Variants in PCDHAC2 observed in about 807,000 individuals in gnomAD.
PCDHAC2 encodes protocadherin alpha subfamily C, 2.
PCDHAC2 carries 24 observed loss-of-function variants against 63.3 expected under a neutral mutation model. That is an observed-to-expected ratio of 0.38 (90% confidence interval 0.27 to 0.53). The LOEUF is 0.53. PCDHAC2 is among the 20% of genes least tolerant of loss of function. The pLI, the probability that PCDHAC2 is intolerant of heterozygous loss-of-function variation, is 0.81. For synonymous variants in PCDHAC2, 569 were observed against 529.4 expected, an observed-to-expected ratio of 1.07 and a Z score of -1.03; for missense variants, 1,181 against 1,275.2, an observed-to-expected ratio of 0.93 and a Z score of 1.12.
chr5:140,985,226 C>T (rs1319001576), intron 3 of PCDHAC2, among the ~76,000 whole-genome samples: 6 of 152,126 alleles, frequency 3.9e-5, no homozygotes, highest in Admixed American at 6.5e-5. Flanking sequence ...CGTGAGCCAC[C>T]GCGCCTGGCC....
chr5:140,983,146 G>T (rs894953025), intron 3 of PCDHAC2, among the ~76,000 whole-genome samples: 3 of 152,140 alleles, frequency 2.0e-5, no homozygotes, highest in Non-Finnish European at 4.4e-5. Flanking sequence ...TAGTGCCTTG[G>T]CATGCATGTT....
chr5:140,966,833 C>G lies in PCDHAC2; in HGVS notation c.67C>G (p.Leu23Val). The change falls in exon 1 of 4, where the codon CTG becomes GTG. Residue 23 changes from leucine to valine, a missense_variant. Leu to Val is a conservative substitution (Grantham distance 32). Around this residue, in one of 3 missense-constraint regions of PCDHAC2, gnomAD observed 210 missense variants for 184.9 expected, o/e 1.14. Coordinates refer to ENST00000289269, the MANE Select transcript of PCDHAC2 (RefSeq NM_018899.6). Reference protein sequence around the residue: ...HPRLRRPMPWLLLLPLLLLLL... With the variant: ...HPRLRRPMPWVLLLPLLLLLL... ...ACGGCTCCGGCGGCCCATGCCCTGG[C>G]TGCTGCTACTGCCTCTCCTGCTGCT... is the stretch of plus-strand genomic sequence containing the variant. 2.6e-6 allele frequency: 4 copies of G among 1,563,480 alleles called. No individual in the cohort carries two copies. Among genetic ancestry groups the G allele is most frequent in the Non-Finnish European group, 3.5e-6 (4 of 1,158,574 alleles).
In PCDHAC2 at chr5:140,968,016, A is replaced by G; in HGVS notation, c.1250A>G (p.Asn417Ser). The G allele has an allele frequency of 6.2e-7, 1 of 1,613,240 alleles. No individual in the cohort carries two copies. The highest frequency in any genetic ancestry group is 8.5e-7 in the Non-Finnish European group (1 of 1,179,814). ...CCTTTCCGACTGAATGGCTTTGGAA[A>G]CTCCTATACACTGGTGGTGAGCGGC... is the stretch of plus-strand genomic sequence containing the variant. ...TLPFRLNGFG[N>S]SYTLVVSGPL... is the part of the protein sequence containing the mutation. The change falls in exon 1 of 4, where the codon AAC (asparagine) becomes AGC (serine). Residue 417 changes from asparagine (N) to serine (S), a missense_variant. Transcript: ENST00000289269.
intron 3 of PCDHAC2, among the ~76,000 whole-genome samples, chr5:140,990,800 A>C (rs1474894854): frequency 3.9e-5 from 6 of 152,216 alleles, no homozygotes; most frequent in Non-Finnish European, 2.9e-5. Context: ...CATGGAATAC[A>C]GAAGAAGCTC....
intron 3 of PCDHAC2, among the ~76,000 whole-genome samples, chr5:141,003,811 C>G (rs1490096042): frequency 1.3e-5 from 2 of 152,114 alleles, no homozygotes; most frequent in African/African-American, 4.8e-5. Context: ...AATCTGTAGT[C>G]TGGGAAGGGC....
rs1554262827 is a variant in PCDHAC2 at position 141,010,253 on chromosome 5, C to A, written c.*316C>A. The A allele has an allele frequency of 3.2e-6, 5 of 1,551,834 alleles. No homozygotes were observed. The highest frequency in any genetic ancestry group is 1.7e-4 in the Middle Eastern group (1 of 5,990). On this transcript the variant is annotated 3_prime_UTR_variant, in exon 4 of 4. Transcript: ENST00000289269. ...CGCCAGTGAGAGGTTGGACTCTCTG[C>A]CCTGTGCTCCGGGGATCCTGTCTTG...
chr5:140,999,125 G>A (rs1554256627), intron 3 of PCDHAC2, among the ~76,000 whole-genome samples: 1 of 152,152 alleles, frequency 6.6e-6, no homozygotes, highest in Non-Finnish European at 1.5e-5. Context: ...TTCTAAGCTG[G>A]AAAATGTCAC....
chr5:141,004,604 C>A (rs1282201587), intron 3 of PCDHAC2, among the ~76,000 whole-genome samples: 1 of 152,176 alleles, frequency 6.6e-6, no homozygotes, highest in African/African-American at 2.4e-5. Context: ...GTGCTTAGGC[C>A]TCATGCAGAG....
intron 3 of PCDHAC2, among the ~76,000 whole-genome samples, chr5:140,994,546 A>T (rs1168797848): frequency 6.6e-6 from 1 of 152,066 alleles, no homozygotes; most frequent in Non-Finnish European, 1.5e-5. Context: ...CTACAAAAAA[A>T]ATATAAAAAT....
In PCDHAC2 at chr5:141,000,054, A is replaced by G. The variant is rs189634054; in HGVS notation, c.2714-9573A>G. On this transcript the variant is annotated intron_variant, in intron 3 of 3. Coordinates refer to ENST00000289269, the MANE Select transcript of PCDHAC2 (RefSeq NM_018899.6). ...CCAATCACACACACACCACTCTCCC[A>G]GCTGCTCTGTAGATCACAATGCTAG... Among the ~76,000 whole-genome samples the G allele has an allele frequency of 4.0e-3, 609 of 152,230 alleles. 3 individuals carry two copies. Among genetic ancestry groups the G allele is most frequent in the African/African-American group, 0.014 (564 of 41,556 alleles).
intron 3 of PCDHAC2, 104 bp from the exon 4 acceptor site, chr5:141,009,523 G>A: frequency 6.7e-7 from 1 of 1,502,140 alleles, no homozygotes; most frequent in Non-Finnish European, 8.9e-7. Flanking sequence ...GATTTTTCTG[G>A]GGAGGTTCAG....
intron 3 of PCDHAC2, among the ~76,000 whole-genome samples, chr5:141,007,300 T>C (rs185284872): frequency 6.6e-6 from 1 of 151,058 alleles, no homozygotes; most frequent in Admixed American, 6.6e-5. Context: ...CCTGTAATCT[T>C]AGCATTTTGG....
chr5:140,968,614 A>T lies in PCDHAC2; in HGVS notation c.1848A>T (p.Gln616His). Reference sequence around the variant, plus strand: ...TAGCTATGGACTCAGACTCTGGGCAAAATGCTTGGCTTTTTTACCATCTAG... The same window carrying T: ...TAGCTATGGACTCAGACTCTGGGCATAATGCTTGGCTTTTTTACCATCTAG... ...KVIAMDSDSG[Q>H]NAWLFYHLAQ... Residue 616 changes from glutamine (Q) to histidine (H), a missense_variant, in exon 1 of 4, where the codon CAA becomes CAT. Physicochemically the swap from Gln to His is conservative, Grantham distance 24 (BLOSUM62 0). Transcript: ENST00000289269. 6.2e-7 allele frequency: 1 copy of T among 1,614,142 alleles called. No homozygotes were observed. Among genetic ancestry groups the T allele is most frequent in the Non-Finnish European group, 8.5e-7 (1 of 1,180,028 alleles).
chr5:140,978,680 T>C (rs2096816388), intron 1 of PCDHAC2, among the ~76,000 whole-genome samples: 1 of 152,240 alleles, frequency 6.6e-6, no homozygotes, highest in Non-Finnish European at 1.5e-5. Context: ...CAGACATGTA[T>C]TGGGCAAGGC....
chr5:140,983,239 C>CCTGCTAAGTTGTGTAAAAAA (rs1261909895), intron 3 of PCDHAC2, among the ~76,000 whole-genome samples: 1 of 152,176 alleles, frequency 6.6e-6, no homozygotes, highest in Non-Finnish European at 1.5e-5. Flanking sequence ...GGAAAGAGAA[C>CCTGCTAAGTTGTGTAAAAAA]CTGCTAAGTT....
intron 3 of PCDHAC2, among the ~76,000 whole-genome samples, chr5:141,006,271 G>T (rs2098264486): frequency 6.6e-6 from 1 of 151,918 alleles, no homozygotes; most frequent in Non-Finnish European, 1.5e-5. Context: ...GACTGCAGTG[G>T]CACGATCTCA....
intron 1 of PCDHAC2, chr5:140,969,583 AG>A: frequency 1.1e-6 from 1 of 914,068 alleles, no homozygotes; most frequent in South Asian, 1.9e-5. Context: ...AGTGAGGATT[AG>A]TCTTAATATT....
Position 140,978,948 on chromosome 5 carries a change from G to A in PCDHAC2, c.2566-1G>A, listed in dbSNP as rs1554239939. On this transcript the variant is annotated splice_acceptor_variant, in intron 1 of 3. Transcript: ENST00000289269. LOFTEE classifies it high-confidence loss of function. ...AGAAAACTCTCTTTGTGATTTTGCA[G>A]CCACGACAGCCCAACCCTGACTGGC... is the stretch of plus-strand genomic sequence containing the variant. 1 of 1,614,128 alleles carries A rather than the reference G, an allele frequency of 6.2e-7. No individual in the cohort carries two copies. The highest frequency in any genetic ancestry group is 8.5e-7 in the Non-Finnish European group (1 of 1,180,018).
chr5:141,006,491 G>A (rs142641127), intron 3 of PCDHAC2, among the ~76,000 whole-genome samples: 4,876 of 152,234 alleles, frequency 0.032, 273 homozygotes, highest in African/African-American at 0.11. Context: ...GGGATTACAT[G>A]TGTGAGCCAC....
Sources: allele counts gnomAD v4.1 joint callset (sites outside exome capture counted in the v4.1 genomes callset), GRCh38; gene constraint gnomAD v4.1.1; regional missense constraint gnomAD v4.1.1; transcripts MANE v1.5; gene names NCBI Gene and HGNC (gene_info 2026-07-23, HGNC 2026-07-21).